The following GRM5 variants were observed in gnomAD, a reference collection of about 807,000 sequenced individuals.
The protein encoded by GRM5 is metabotropic glutamate receptor 5.
Under a neutral mutation model 83.1 loss-of-function variants are expected in GRM5, and 19 were observed. The ratio of observed to expected loss-of-function variants is 0.23; its 90% CI spans 0.16 to 0.34. GRM5 has a LOEUF of 0.34. Among genes scored for constraint, GRM5 ranks in the 10% least tolerant of loss-of-function variants. The probability of loss-of-function intolerance (pLI) is 1.00; values close to 1 mark genes in which losing one functional copy is unlikely to be tolerated. For missense variants in GRM5, 1,160 were observed against 1,588.3 expected, an observed-to-expected ratio of 0.73 and a Z score of 4.58; for synonymous variants, 675 against 633.6, an observed-to-expected ratio of 1.07 and a Z score of -0.98.
chr11:89,063,107 C>T (rs936658792), intron 1 of GRM5, among the ~76,000 whole-genome samples: 1 of 152,238 alleles, frequency 6.6e-6, no homozygotes, highest in Non-Finnish European at 1.5e-5. Flanking sequence ...ATTCTCTGTC[C>T]TCTTTTCCTC....
intron 3 of GRM5, among the ~76,000 whole-genome samples, chr11:88,792,712 G>A (rs952201870): frequency 1.3e-5 from 2 of 151,970 alleles, no homozygotes; most frequent in African/African-American, 4.8e-5. Flanking sequence ...ATTTGGGAAG[G>A]GGTATGAAAA....
At chr11:88,954,612 TGAAATGTG>T (rs1565308110) in intron 2 of GRM5, among the ~76,000 whole-genome samples, 1 of 152,226 alleles carries the variant, frequency 6.6e-6, no homozygotes, top group Non-Finnish European at 1.5e-5. Flanking sequence ...ATTGAGTACT[TGAAATGTG>T]GCTGGTGCAA....
intron 3 of GRM5, among the ~76,000 whole-genome samples, chr11:88,800,270 C>A (rs1175701840): frequency 6.6e-6 from 1 of 152,042 alleles, no homozygotes; most frequent in African/African-American, 2.4e-5. Flanking sequence ...TAACCTACTG[C>A]AGTTCTTATG....
chr11:89,028,600 CA>C, intron 2 of GRM5, among the ~76,000 whole-genome samples: 1 of 152,126 alleles, frequency 6.6e-6, no homozygotes. Flanking sequence ...GTCAGAAAGA[CA>C]AAAACAAATC....
At chr11:88,913,312 G>T (rs544723601) in intron 2 of GRM5, among the ~76,000 whole-genome samples, 1 of 152,068 alleles carries the variant, frequency 6.6e-6, no homozygotes, top group Non-Finnish European at 1.5e-5. Flanking sequence ...CCAGTCTCTC[G>T]ACAATTCTCT....
chr11:88,762,879 A>T (rs1207757567), intron 3 of GRM5, among the ~76,000 whole-genome samples: 1 of 152,012 alleles, frequency 6.6e-6, no homozygotes, highest in Non-Finnish European at 1.5e-5. Context: ...ACGAACATGT[A>T]ATGGACTGGA....
intron 3 of GRM5, among the ~76,000 whole-genome samples, chr11:88,753,498 G>A (rs1338143556): frequency 9.2e-5 from 14 of 151,998 alleles, no homozygotes; most frequent in Admixed American, 9.2e-4. Context: ...TTCAACCATT[G>A]TGGAAGACAG....
intron 3 of GRM5, among the ~76,000 whole-genome samples, chr11:88,836,708 T>A (rs1424112361): frequency 1.3e-5 from 2 of 152,066 alleles, no homozygotes; most frequent in African/African-American, 2.4e-5. Flanking sequence ...GGATGGAGAA[T>A]CGCTTGAACT....
At chr11:88,718,842 A>G (rs947314350) in intron 3 of GRM5, among the ~76,000 whole-genome samples, 1 of 151,992 alleles carries the variant, frequency 6.6e-6, no homozygotes, top group Non-Finnish European at 1.5e-5. Flanking sequence ...ACAACTGAAC[A>G]TGCACGTGGA....
At chr11:88,785,795 C>T (rs1431304045) in intron 3 of GRM5, among the ~76,000 whole-genome samples, 3 of 152,036 alleles carry the variant, frequency 2.0e-5, no homozygotes, top group African/African-American at 7.2e-5. Context: ...CCATTTTTGA[C>T]ATGGTTAGCA....
intron 2 of GRM5, among the ~76,000 whole-genome samples, chr11:88,889,165 G>A (rs868525051): frequency 1.1e-4 from 16 of 152,232 alleles, no homozygotes; most frequent in African/African-American, 2.6e-4. Context: ...GTAGCCTCCA[G>A]CTGTGTGACT....
chr11:88,921,628 T>TA (rs34473737), intron 2 of GRM5, among the ~76,000 whole-genome samples: 88,060 of 148,664 alleles, frequency 0.59, 26,211 homozygotes, highest in South Asian at 0.74. Context: ...AGACTCCATT[T>TA]AAAAAAAAAA....
At position 88,934,445 on chromosome 11, in the gene GRM5, T is replaced by C. The variant is rs560724183; in HGVS notation, c.662-84290A>G. 8.6e-5 allele frequency among the ~76,000 whole-genome samples: 13 copies of C among 151,976 alleles called. No homozygotes were observed. In the South Asian group the frequency reaches 1.0e-3, roughly 12 times the overall value. Reference sequence around the variant, plus strand: ...CTATTCAAAATTTACATGATGCATTTGCACCAGGTGAGGGTTAAATCATAC... The same window carrying C: ...CTATTCAAAATTTACATGATGCATTCGCACCAGGTGAGGGTTAAATCATAC... On this transcript the variant is annotated intron_variant, in intron 2 of 9. Coordinates refer to ENST00000305447, the MANE Select transcript of GRM5 (RefSeq NM_001143831.3).
intron 7 of GRM5, among the ~76,000 whole-genome samples, chr11:88,576,840 T>A (rs537280258): frequency 5.3e-5 from 8 of 152,302 alleles, no homozygotes; most frequent in Admixed American, 1.3e-4. Context: ...TTTGCACACA[T>A]AATAGGAGCT....
intron 3 of GRM5, among the ~76,000 whole-genome samples, chr11:88,786,612 T>C (rs1456185530): frequency 6.6e-6 from 1 of 152,124 alleles, no homozygotes; most frequent in African/African-American, 2.4e-5. Flanking sequence ...GCTCTTTCCA[T>C]AGGTACCAAC....
chr11:88,605,634 C>G (rs1484281837), intron 4 of GRM5, among the ~76,000 whole-genome samples: 1 of 152,002 alleles, frequency 6.6e-6, no homozygotes, highest in African/African-American at 2.4e-5. Flanking sequence ...ACATAAGAAA[C>G]TTGTCCAATA....
chr11:88,528,655 G>A (rs1941936516), intron 8 of GRM5, among the ~76,000 whole-genome samples: 1 of 151,884 alleles, frequency 6.6e-6, no homozygotes. Flanking sequence ...ATACTTGTAA[G>A]GCACTGTTTC....
chr11:88,610,580 C>G (rs903302072), intron 4 of GRM5, among the ~76,000 whole-genome samples: 2 of 152,150 alleles, frequency 1.3e-5, no homozygotes, highest in African/African-American at 4.8e-5. Flanking sequence ...TATCCTGAAA[C>G]TTTACCGAAG....
intron 1 of GRM5, among the ~76,000 whole-genome samples, chr11:89,062,494 G>A (rs1411787313): frequency 1.3e-5 from 2 of 152,216 alleles, no homozygotes; most frequent in Non-Finnish European, 2.9e-5. Context: ...CCCATGTAGC[G>A]AATGGAGAAG....
Sources: allele counts gnomAD v4.1 joint callset (sites outside exome capture counted in the v4.1 genomes callset), GRCh38; gene constraint gnomAD v4.1.1; transcripts MANE v1.5; gene names NCBI Gene and HGNC (gene_info 2026-07-23, HGNC 2026-07-21).